Variants in CLEC16A observed in about 807,000 individuals in gnomAD.
The protein encoded by CLEC16A is C-type lectin domain containing 16A, also known as protein CLEC16A.
A neutral mutation model predicts 109.5 loss-of-function variants in CLEC16A; 51 were observed. The ratio of observed to expected loss-of-function variants is 0.47; its 90% CI spans 0.37 to 0.59. The LOEUF (loss-of-function observed/expected upper bound fraction) is 0.59, where lower values mean the gene tolerates loss of function less well. Ranked by LOEUF, CLEC16A falls within the 20% of genes least tolerant of loss-of-function variation. CLEC16A has a pLI of 0.00. For synonymous variants in CLEC16A, 673 were observed against 564.2 expected, an observed-to-expected ratio of 1.19 and a Z score of -2.73; for missense variants, 1,339 against 1,394.0, an observed-to-expected ratio of 0.96 and a Z score of 0.63.
chr16:10,988,007 C>G (rs2043775287), intron 10 of CLEC16A, among the ~76,000 whole-genome samples: 1 of 152,194 alleles, frequency 6.6e-6, no homozygotes, highest in Non-Finnish European at 1.5e-5. Context: ...AGATGAATGT[C>G]TAATTGAAAT....
At chr16:11,014,223 T>C (rs1247667249) in intron 11 of CLEC16A, among the ~76,000 whole-genome samples, 3 of 152,206 alleles carry the variant, frequency 2.0e-5, no homozygotes, top group African/African-American at 7.2e-5. Context: ...CAGGGTAGCA[T>C]ATGTGTTCCT....
intron 16 of CLEC16A, among the ~76,000 whole-genome samples, chr16:11,046,819 T>G (rs777859180): frequency 6.6e-6 from 1 of 152,192 alleles, no homozygotes; most frequent in South Asian, 2.1e-4. Context: ...GCACTCCTCA[T>G]AAACAAATAG....
intron 10 of CLEC16A, among the ~76,000 whole-genome samples, chr16:10,986,213 G>A (rs1052866364): frequency 1.3e-5 from 2 of 151,070 alleles, no homozygotes; most frequent in African/African-American, 2.4e-5. Flanking sequence ...TGTATTTTTA[G>A]TAGAGACGGG....
intron 22 of CLEC16A, among the ~76,000 whole-genome samples, chr16:11,130,037 C>T (rs1053865550): frequency 2.6e-5 from 4 of 152,314 alleles, no homozygotes; most frequent in South Asian, 2.1e-4. Flanking sequence ...GCTGGGATTA[C>T]AGGCGTGAGC....
chr16:11,177,939 G>A (rs1445092555), intron 23 of CLEC16A, among the ~76,000 whole-genome samples: 3 of 151,568 alleles, frequency 2.0e-5, no homozygotes, highest in Non-Finnish European at 4.4e-5. Context: ...GATATTACGA[G>A]CACACCCAAG....
At chr16:11,140,266 C>G (rs1405260417) in intron 22 of CLEC16A, among the ~76,000 whole-genome samples, 2 of 152,182 alleles carry the variant, frequency 1.3e-5, no homozygotes, top group Non-Finnish European at 2.9e-5. Flanking sequence ...CCTCCTGGCT[C>G]ACGGATGTCC....
chr16:11,055,908 C>G (rs2048189032), intron 18 of CLEC16A, among the ~76,000 whole-genome samples: 1 of 152,050 alleles, frequency 6.6e-6, no homozygotes, highest in Non-Finnish European at 1.5e-5. Flanking sequence ...ATTTTAAAAA[C>G]CACATCACTT....
intron 11 of CLEC16A, 66 bp from the exon 12 acceptor site, chr16:11,020,127 G>A: frequency 1.3e-6 from 2 of 1,518,596 alleles, no homozygotes; most frequent in Non-Finnish European, 1.8e-6. Flanking sequence ...TCCAACATGA[G>A]CATGTGTATA....
At chr16:11,171,979 C>G (rs2068532900) in intron 23 of CLEC16A, among the ~76,000 whole-genome samples, 1 of 152,022 alleles carries the variant, frequency 6.6e-6, no homozygotes, top group African/African-American at 2.4e-5. Context: ...CACACATACA[C>G]AATCACACAC....
intron 4 of CLEC16A, among the ~76,000 whole-genome samples, chr16:10,970,669 G>T (rs994548874): frequency 2.0e-5 from 3 of 152,222 alleles, no homozygotes; most frequent in Non-Finnish European, 4.4e-5. Context: ...CTCCCAAAGT[G>T]CTGGGATTCT....
intron 10 of CLEC16A, among the ~76,000 whole-genome samples, chr16:10,997,217 C>T (rs998462443): frequency 3.9e-5 from 6 of 152,230 alleles, no homozygotes; most frequent in Non-Finnish European, 7.3e-5. Context: ...CTGCCTTAGC[C>T]TCCCCAGATC....
intron 18 of CLEC16A, chr16:11,056,938 T>C (rs2048243055): frequency 6.6e-6 from 1 of 152,246 alleles, no homozygotes; most frequent in African/African-American, 2.4e-5. Flanking sequence ...TCTCATTTCT[T>C]ATGGCCTCAT....
intron 19 of CLEC16A, among the ~76,000 whole-genome samples, chr16:11,075,041 T>C (rs971055355): frequency 6.6e-6 from 1 of 152,166 alleles, no homozygotes; most frequent in African/African-American, 2.4e-5. Context: ...CAGTGAGTAA[T>C]GATTGCACCA....
At chr16:10,952,817 A>C (rs572925103) in intron 1 of CLEC16A, among the ~76,000 whole-genome samples, 2 of 152,360 alleles carry the variant, frequency 1.3e-5, no homozygotes, top group South Asian at 4.1e-4. Flanking sequence ...TATTTGAAAC[A>C]ATATCATTTA....
chr16:11,006,223 A>AC (rs2044999867), intron 11 of CLEC16A, among the ~76,000 whole-genome samples: 1 of 151,858 alleles, frequency 6.6e-6, no homozygotes. Context: ...TCCTCTTCCC[A>AC]CCCCCAGAGA....
At chr16:11,095,464 C>A (rs2050550536) in intron 19 of CLEC16A, among the ~76,000 whole-genome samples, 1 of 152,152 alleles carries the variant, frequency 6.6e-6, no homozygotes, top group Admixed American at 6.5e-5. Flanking sequence ...GGAACAGAGT[C>A]CAGGCAGTCA....
At chr16:10,993,652 T>G (rs2044163696) in intron 10 of CLEC16A, among the ~76,000 whole-genome samples, 1 of 152,218 alleles carries the variant, frequency 6.6e-6, no homozygotes, top group Non-Finnish European at 1.5e-5. Context: ...AGTAACAGAA[T>G]AACCAGTGTT....
At chr16:11,104,521 C>G (rs1034897190) in intron 19 of CLEC16A, among the ~76,000 whole-genome samples, 4 of 152,176 alleles carry the variant, frequency 2.6e-5, no homozygotes, top group Non-Finnish European at 5.9e-5. Flanking sequence ...AGGATCTGCT[C>G]TCTGGAATAC....
intron 10 of CLEC16A, among the ~76,000 whole-genome samples, chr16:10,987,695 G>A (rs1376846052): frequency 1.3e-5 from 2 of 152,198 alleles, no homozygotes; most frequent in Non-Finnish European, 2.9e-5. Flanking sequence ...TTCCTTCTGT[G>A]ACTTGTTTGA....
Sources: gnomAD v4.1 joint callset for allele counts (sites outside exome capture counted in the v4.1 genomes callset) on GRCh38, gnomAD v4.1.1 for gene constraint, MANE v1.5 for transcripts, NCBI Gene and HGNC (gene_info 2026-07-23, HGNC 2026-07-21) for gene names.